The following GALNT13 variants were observed in gnomAD, a reference collection of about 807,000 sequenced individuals.
GALNT13 encodes the protein UDP-GalNAc:polypeptide N-acetylgalactosaminyltransferase 13.
GALNT13 carries 28 observed loss-of-function variants against 64.2 expected under a neutral mutation model. That is an observed-to-expected ratio of 0.44 (90% CI 0.32 to 0.60). The LOEUF is 0.60. Ranked by LOEUF, GALNT13 falls within the 20% of genes least tolerant of loss-of-function variation. The pLI is 0.05. For missense variants in GALNT13, 577 were observed against 669.8 expected, an observed-to-expected ratio of 0.86 and a Z score of 1.53; for synonymous variants, 214 against 224.6, an observed-to-expected ratio of 0.95 and a Z score of 0.42.
the GALNT13 span, among the ~76,000 whole-genome samples, chr2:153,747,407 C>T: frequency 6.7e-6 from 1 of 148,946 alleles, no homozygotes; most frequent in Non-Finnish European, 1.5e-5. Flanking sequence ...TCTCAAATCT[C>T]CAAAAGTGCC....
At chr2:153,642,965 A>G in the GALNT13 span, among the ~76,000 whole-genome samples, 91 of 151,788 alleles carry the variant, frequency 6.0e-4, 1 homozygote, top group African/African-American at 1.9e-3. Context: ...ATGTATCAAG[A>G]CAATTTAAAA....
intron 1 of GALNT13, among the ~76,000 whole-genome samples, chr2:153,873,826 T>TTC (rs529681559): frequency 2.6e-5 from 4 of 151,596 alleles, no homozygotes; most frequent in African/African-American, 9.7e-5. Context: ...CTCTCTCTCT[T>TTC]TCTCTCTCTC....
chr2:153,274,450 C>G, the GALNT13 span, among the ~76,000 whole-genome samples: 7 of 152,174 alleles, frequency 4.6e-5, no homozygotes, highest in Admixed American at 3.3e-4. Context: ...GAGTGAGTAA[C>G]TACAAAGGAG....
chr2:154,271,549 A>G (rs1691354824), intron 8 of GALNT13, among the ~76,000 whole-genome samples: 1 of 151,908 alleles, frequency 6.6e-6, no homozygotes, highest in Non-Finnish European at 1.5e-5. Context: ...TGGAATTAGA[A>G]TATGTGTCAT....
At chr2:153,722,723 T>C in the GALNT13 span, among the ~76,000 whole-genome samples, 2 of 152,306 alleles carry the variant, frequency 1.3e-5, no homozygotes, top group South Asian at 2.1e-4. Flanking sequence ...ATACATTCCT[T>C]GACACATACA....
chr2:153,674,417 T>C, the GALNT13 span, among the ~76,000 whole-genome samples: 1 of 152,194 alleles, frequency 6.6e-6, no homozygotes, highest in South Asian at 2.1e-4. Flanking sequence ...AACCGTCTGA[T>C]CTTTGACAAA....
At chr2:154,298,074 C>T (rs1693035850) in intron 8 of GALNT13, among the ~76,000 whole-genome samples, 1 of 151,664 alleles carries the variant, frequency 6.6e-6, no homozygotes, top group Admixed American at 6.6e-5. Flanking sequence ...CATGCAGGTC[C>T]TATGTAAATT....
intron 11 of GALNT13, among the ~76,000 whole-genome samples, chr2:154,420,896 T>C (rs190804205): frequency 6.6e-6 from 1 of 152,276 alleles, no homozygotes; most frequent in Non-Finnish European, 1.5e-5. Flanking sequence ...TTATGATTAG[T>C]TGCTTTGCTG....
At chr2:153,210,198 A>G in the GALNT13 span, among the ~76,000 whole-genome samples, 1 of 151,920 alleles carries the variant, frequency 6.6e-6, no homozygotes, top group Non-Finnish European at 1.5e-5. Context: ...TTAGTTTAGG[A>G]CCTCTGGTAC....
the GALNT13 span, among the ~76,000 whole-genome samples, chr2:153,510,214 A>G: frequency 0.036 from 5,496 of 152,216 alleles, 347 homozygotes; most frequent in African/African-American, 0.12. Context: ...TCATCTCTCC[A>G]CCCAAATCCG....
chr2:154,002,292 T>C (rs925596976), intron 3 of GALNT13, among the ~76,000 whole-genome samples: 3 of 152,068 alleles, frequency 2.0e-5, no homozygotes, highest in Non-Finnish European at 4.4e-5. Flanking sequence ...CCTTCAGTAA[T>C]AGAAAGGTTT....
At chr2:153,928,232 G>A (rs538094583) in intron 2 of GALNT13, among the ~76,000 whole-genome samples, 1 of 152,100 alleles carries the variant, frequency 6.6e-6, no homozygotes, top group South Asian at 2.1e-4. Context: ...GCCTAGATAA[G>A]AAATAACCAC....
the GALNT13 span, among the ~76,000 whole-genome samples, chr2:153,790,763 C>T: frequency 1.3e-5 from 2 of 152,096 alleles, no homozygotes; most frequent in African/African-American, 4.8e-5. Flanking sequence ...TTTCAGGATA[C>T]AAAATCAACA....
At chr2:154,062,281 A>G (rs1280176482) in intron 3 of GALNT13, among the ~76,000 whole-genome samples, 3 of 151,900 alleles carry the variant, frequency 2.0e-5, no homozygotes, top group Non-Finnish European at 4.4e-5. Context: ...AGATGTAATA[A>G]ATTTTTATGT....
At chr2:153,180,321 G>A in the GALNT13 span, among the ~76,000 whole-genome samples, 560 of 152,102 alleles carry the variant, frequency 3.7e-3, 1 homozygote, top group Non-Finnish European at 5.9e-3. Flanking sequence ...AATGTAGCAC[G>A]TCCCATTTAT....
chr2:154,166,427 A>T (rs1287520208), intron 4 of GALNT13, among the ~76,000 whole-genome samples: 1 of 152,210 alleles, frequency 6.6e-6, no homozygotes, highest in African/African-American at 2.4e-5. Context: ...CCACAATGAG[A>T]TACCATCTCA....
At chr2:153,554,696 A>C in the GALNT13 span, among the ~76,000 whole-genome samples, 1 of 138,364 alleles carries the variant, frequency 7.2e-6, no homozygotes, top group Non-Finnish European at 1.6e-5. Context: ...GTGTACGCGC[A>C]CATAAGTGTG....
At chr2:153,331,598 C>T in the GALNT13 span, among the ~76,000 whole-genome samples, 295 of 152,078 alleles carry the variant, frequency 1.9e-3, 4 homozygotes, top group African/African-American at 6.8e-3. Context: ...AGATGTAGTC[C>T]GGGATGCTAG....
chr2:153,749,115 C>G, the GALNT13 span, among the ~76,000 whole-genome samples: 5 of 152,014 alleles, frequency 3.3e-5, no homozygotes, highest in East Asian at 9.7e-4. Flanking sequence ...TTCTTGACAC[C>G]TTGGTCAAAA....
Sources: gnomAD v4.1 joint callset for allele counts (sites outside exome capture counted in the v4.1 genomes callset) on GRCh38, gnomAD v4.1.1 for gene constraint, MANE v1.5 for transcripts, NCBI Gene and HGNC (gene_info 2026-07-23, HGNC 2026-07-21) for gene names.